SAV1: variants seen among roughly 807,000 people sequenced by gnomAD.
SAV1 encodes protein salvador homolog 1.
In SAV1, 23 loss-of-function variants were observed where a neutral mutation model predicts 47.3. The ratio of observed to expected loss-of-function variants is 0.49; its 90% confidence interval spans 0.35 to 0.69. The LOEUF is 0.69. Among genes scored for constraint, SAV1 ranks in the 30% least tolerant of loss-of-function variants. The pLI is 0.01. For synonymous variants in SAV1, 155 were observed against 159.2 expected (o/e 0.97, Z 0.20); for missense variants, 448 against 457.4 (o/e 0.98, Z 0.19).
intron 4 of SAV1, among the ~76,000 whole-genome samples, chr14:50,639,958 C>T (rs778888328): frequency 3.3e-5 from 5 of 152,058 alleles, no homozygotes; most frequent in Non-Finnish European, 7.4e-5. Flanking sequence ...AAAGAAAATG[C>T]CATCTGCTAT....
At chr14:50,662,324 A>G (rs2039867025) in intron 2 of SAV1, among the ~76,000 whole-genome samples, 2 of 152,038 alleles carry the variant, frequency 1.3e-5, no homozygotes, top group South Asian at 4.1e-4. Flanking sequence ...GCCTGCCACC[A>G]CGCCCGGCTA....
At chr14:50,655,499 C>A (rs1459838371) in intron 2 of SAV1, among the ~76,000 whole-genome samples, 1 of 150,974 alleles carries the variant, frequency 6.6e-6, no homozygotes, top group African/African-American at 2.4e-5. Flanking sequence ...AATCTCGGCT[C>A]ACTGCAACCT....
intron 2 of SAV1, among the ~76,000 whole-genome samples, chr14:50,654,925 T>C (rs997253116): frequency 6.6e-6 from 1 of 152,186 alleles, no homozygotes; most frequent in African/African-American, 2.4e-5. Context: ...GCAAAAAGGA[T>C]GCAAGAACAA....
chr14:50,654,197 C>A (rs899831287), intron 2 of SAV1, among the ~76,000 whole-genome samples: 9 of 152,186 alleles, frequency 5.9e-5, no homozygotes, highest in Non-Finnish European at 8.8e-5. Flanking sequence ...TGCTGTTTGA[C>A]AGCATTTTAC....
At chr14:50,656,482 G>A (rs1057425215) in intron 2 of SAV1, among the ~76,000 whole-genome samples, 3 of 133,268 alleles carry the variant, frequency 2.3e-5, no homozygotes, top group Non-Finnish European at 3.1e-5. Context: ...CACTCTTGTC[G>A]CCCAGGTTGG....
At chr14:50,656,040 C>T (rs1174315174) in intron 2 of SAV1, among the ~76,000 whole-genome samples, 4 of 152,082 alleles carry the variant, frequency 2.6e-5, no homozygotes, top group Non-Finnish European at 4.4e-5. Context: ...AGTGAAACTC[C>T]GTCTCAAAAA....
At chr14:50,642,202 C>T (rs762027748) in intron 3 of SAV1, among the ~76,000 whole-genome samples, 16 of 152,104 alleles carry the variant, frequency 1.1e-4, no homozygotes, top group Non-Finnish European at 1.6e-4. Context: ...GGCCTACTTG[C>T]GGGCAGAGGA....
chr14:50,643,103 A>G (rs1349774741), intron 3 of SAV1, among the ~76,000 whole-genome samples: 1 of 152,256 alleles, frequency 6.6e-6, no homozygotes, highest in Non-Finnish European at 1.5e-5. Context: ...ACAACTAGTA[A>G]TACTACATAT....
At chr14:50,647,075 G>A (rs2039728404) in intron 2 of SAV1, among the ~76,000 whole-genome samples, 1 of 151,984 alleles carries the variant, frequency 6.6e-6, no homozygotes, top group Non-Finnish European at 1.5e-5. Context: ...ACCTATACCT[G>A]CCACCTTACA....
chr14:50,651,969 C>A (rs556350426), intron 2 of SAV1, among the ~76,000 whole-genome samples: 1 of 152,084 alleles, frequency 6.6e-6, no homozygotes, highest in East Asian at 1.9e-4. Flanking sequence ...CGGGAAATAT[C>A]CTAAATTTAA....
At chr14:50,642,282 A>T (rs2039686612) in intron 3 of SAV1, among the ~76,000 whole-genome samples, 1 of 152,124 alleles carries the variant, frequency 6.6e-6, no homozygotes, top group Non-Finnish European at 1.5e-5. Context: ...TGAGGTCGGG[A>T]GTTCGAGACC....
At chr14:50,649,121 T>C (rs545443891) in intron 2 of SAV1, among the ~76,000 whole-genome samples, 2 of 152,304 alleles carry the variant, frequency 1.3e-5, no homozygotes, top group South Asian at 4.2e-4. Flanking sequence ...TTATTCTCCC[T>C]AGAAGATTCT....
chr14:50,654,189 C>T (rs2039793389), intron 2 of SAV1, among the ~76,000 whole-genome samples: 1 of 152,204 alleles, frequency 6.6e-6, no homozygotes, highest in South Asian at 2.1e-4. Flanking sequence ...GCATGTGATG[C>T]TGTTTGACAG....
Position 50,656,601 on chromosome 14 carries a change from C to G in SAV1, c.535+8578G>C, listed in dbSNP as rs181116790. Among the ~76,000 whole-genome samples, 481 of 152,162 alleles carry G rather than the reference C, an allele frequency of 3.2e-3. 4 individuals carry two copies. The highest frequency in any genetic ancestry group is 0.011 in the African/African-American group (463 of 41,522). The stretch of plus-strand genomic sequence containing the variant: ...GGGACTACAGGCACCCGCCACCACA[C>G]CTGGCTAATTTTTTGTATTTTTAGT... On this transcript the variant is annotated intron_variant, in intron 2 of 4. Coordinates refer to ENST00000324679, the MANE Select transcript of SAV1 (RefSeq NM_021818.4).
Position 50,644,940 on chromosome 14 carries a change from C to T in SAV1, c.610G>A (p.Gly204Ser). The T allele has an allele frequency of 6.2e-7, 1 of 1,613,912 alleles. No individual in the cohort carries two copies. Among genetic ancestry groups the T allele is most frequent in the Non-Finnish European group, 8.5e-7 (1 of 1,179,936 alleles). The change falls in exon 3 of 5, where the codon GGC (glycine) becomes AGC (serine). Residue 204 changes from glycine to serine, a missense_variant. Physicochemically the swap from Gly to Ser is moderately conservative, Grantham distance 56. Coordinates refer to ENST00000324679, the MANE Select transcript of SAV1 (RefSeq NM_021818.4). ...HGSEDLPLPP[G>S]WSVDWTMRGR... ...CTCATTGTCCAGTCCACAGACCAGC[C>T]AGGAGGAAGGGGTAAATCTTCAGAA... is the stretch of plus-strand genomic sequence containing the variant.
intron 4 of SAV1, chr14:50,637,672 T>TTTTTTGTTTTG: frequency 6.8e-6 from 1 of 147,860 alleles, no homozygotes; most frequent in African/African-American, 2.5e-5. Flanking sequence ...CAGTTTTTTT[T>TTTTTTGTTTTG]TTTTTTTTTT....
chr14:50,665,112 AAGAAC>A, intron 2 of SAV1, 62 bp downstream of exon 2: 10 of 1,464,788 alleles, frequency 6.8e-6, no homozygotes, highest in Non-Finnish European at 7.2e-6. Context: ...AAATCTAGAA[AAGAAC>A]ATCTTTTTAA....
At chr14:50,651,934 A>T (rs534804534) in intron 2 of SAV1, among the ~76,000 whole-genome samples, 1 of 152,200 alleles carries the variant, frequency 6.6e-6, no homozygotes, top group African/African-American at 2.4e-5. Context: ...GCCCGGCCCA[A>T]AGAGAATAAA....
intron 2 of SAV1, among the ~76,000 whole-genome samples, chr14:50,655,217 CT>C (rs1387531783): frequency 6.6e-6 from 1 of 152,160 alleles, no homozygotes; most frequent in Non-Finnish European, 1.5e-5. Flanking sequence ...CACAAAATTA[CT>C]TTACATTCTA....
Sources: allele counts gnomAD v4.1 joint callset (sites outside exome capture counted in the v4.1 genomes callset), GRCh38; gene constraint gnomAD v4.1.1; transcripts MANE v1.5; gene names NCBI Gene and HGNC (gene_info 2026-07-23, HGNC 2026-07-21).